Variants in NUP214 observed in about 807,000 individuals in gnomAD.
The protein encoded by NUP214 is nucleoporin 214.
NUP214 carries 79 observed loss-of-function variants against 196.2 expected under a neutral mutation model. The observed-to-expected ratio is 0.40, with a 90% CI of 0.34 to 0.49. NUP214 has a LOEUF of 0.49. Among genes scored for constraint, NUP214 ranks in the 20% least tolerant of loss-of-function variants. The pLI, the probability that NUP214 is intolerant of heterozygous loss-of-function variation, is 0.58. For synonymous variants in NUP214, 1,020 were observed against 990.5 expected (o/e 1.03, Z -0.56); for missense variants, 2,468 against 2,539.0 (o/e 0.97, Z 0.60).
intron 31 of NUP214, among the ~76,000 whole-genome samples, chr9:131,220,578 G>A (rs1317343934): frequency 6.6e-6 from 1 of 152,206 alleles, no homozygotes; most frequent in Non-Finnish European, 1.5e-5. Flanking sequence ...GGAAGAGGTT[G>A]AAGGAACAGA....
rs1834944164 is a variant in NUP214, at chr9:131,233,845, A to ATC, written c.*358_*359insTC. ...GAAGTCACCAGCGTCGGGTGTTGAT[A>ATC]AACAGCATCGAATGTGCCGTGGTCT... On this transcript the variant is annotated 3_prime_UTR_variant, in exon 36 of 36. Transcript: ENST00000359428. 1 of 404,984 alleles carries ATC rather than the reference A, an allele frequency of 2.5e-6. No individual in the cohort carries two copies. Among genetic ancestry groups the ATC allele is most frequent in the African/African-American group, 2.0e-5 (1 of 49,742 alleles). 25.1% of individuals were successfully genotyped at this position (404,984 alleles called of 1,614,324 possible).
At chr9:131,170,425 G>A (rs548428578) in intron 21 of NUP214, among the ~76,000 whole-genome samples, 1 of 152,338 alleles carries the variant, frequency 6.6e-6, no homozygotes, top group Non-Finnish European at 1.5e-5. Flanking sequence ...TGACATTTGT[G>A]CAGTAGTGAA....
At position 131,204,345 on chromosome 9, in the gene NUP214, G is replaced by A. The variant is rs902879975; in HGVS notation, c.5592+2628G>A. Among the ~76,000 whole-genome samples the A allele has an allele frequency of 3.3e-5, 5 of 152,206 alleles. No individual in the cohort carries two copies. The South Asian group carries it at 8.3e-4, about 25-fold the overall frequency. ...GAAAATGTAATGATTAAACTCAGGT[G>A]TAAACTCAGTGGCTGTATTTGGAGC... On this transcript the variant is annotated intron_variant, in intron 30 of 35. Transcript: ENST00000359428.
At chr9:131,177,156 AAG>A (rs1444460020) in intron 23 of NUP214, among the ~76,000 whole-genome samples, 2 of 152,226 alleles carry the variant, frequency 1.3e-5, no homozygotes, top group African/African-American at 4.8e-5. Flanking sequence ...TTTAGGAAAA[AAG>A]AACTAACATT....
At chr9:131,190,525 C>A in intron 26 of NUP214, 1 of 673,822 alleles carries the variant, frequency 1.5e-6, no homozygotes, top group Non-Finnish European at 2.7e-6. Context: ...GGTAGGAAAA[C>A]TTCCCTGAAA....
At chr9:131,203,379 C>T (rs978669033) in intron 30 of NUP214, among the ~76,000 whole-genome samples, 4 of 152,144 alleles carry the variant, frequency 2.6e-5, no homozygotes, top group Non-Finnish European at 5.9e-5. Context: ...TTACATCAGA[C>T]ACCGGCTGCA....
intron 7 of NUP214, 32 bp from the exon 8 acceptor site, chr9:131,134,866 G>A: frequency 6.8e-7 from 1 of 1,464,882 alleles, no homozygotes; most frequent in Non-Finnish European, 9.5e-7. Flanking sequence ...AATTGCACAT[G>A]AGAATTTTTT....
rs548897699 is a variant in NUP214, at chr9:131,193,559, C to T, written c.3659+1267C>T. ...CAAATTTTAAAGAGTAGGTCAATGC[C>T]AAGAATTATTGCATCCTTTACAGAT... On this transcript the variant is annotated intron_variant, in intron 27 of 35. Coordinates refer to ENST00000359428, the MANE Select transcript of NUP214 (RefSeq NM_005085.4). 3.5e-5 allele frequency among the ~76,000 whole-genome samples: 5 copies of T among 141,410 alleles called. No individual in the cohort carries two copies. The South Asian group carries it at 1.1e-3, about 32-fold the overall frequency. The allele number at this position is 141,410 out of a possible 152,430, so 92.8% of individuals were successfully genotyped here.
At position 131,132,533 on chromosome 9, in the gene NUP214, AGTTT is replaced by A. The variant is rs1483830134; in HGVS notation, c.664-61_664-58del. 7.2e-6 allele frequency: 10 copies of A among 1,385,672 alleles called. No homozygotes were observed. In the African/African-American group the frequency reaches 1.3e-4, roughly 18 times the overall value. The allele number at this position is 1,385,672 out of a possible 1,614,324, so 85.8% of individuals were successfully genotyped here. ...ATCTAAGGAATAGATTAGATTTGAC[AGTTT>A]GATTGGTTTAGGATTTGTTTCATTT... On this transcript the variant is annotated intron_variant, in intron 5 of 35. Transcript: ENST00000359428.
chr9:131,175,377 G>C (rs989501660), intron 22 of NUP214, 83 bp from the exon 23 acceptor site: 3 of 1,488,412 alleles, frequency 2.0e-6, no homozygotes, highest in African/African-American at 1.4e-5. Flanking sequence ...CCCTGCAGTC[G>C]AACATAAAGA....
rs1254553345 is a variant in NUP214, at chr9:131,146,456, A to C, written c.1945+152A>C. The C allele has an allele frequency of 7.7e-6, 6 of 778,932 alleles. No individual in the cohort carries two copies. The highest frequency in any genetic ancestry group is 2.6e-5 in the Admixed American group (1 of 38,266). 48.3% of individuals were successfully genotyped at this position (778,932 alleles called of 1,614,324 possible). Reference sequence around the variant, plus strand: ...TAATGATTAATGTGCTGTGATTTTCATACTCTGAATTGGGAGATTTGCTCT... The same window carrying C: ...TAATGATTAATGTGCTGTGATTTTCCTACTCTGAATTGGGAGATTTGCTCT... On this transcript the variant is annotated intron_variant, in intron 13 of 35. Transcript: ENST00000359428. The surrounding 1 kb of genome is among the most constrained non-coding windows in gnomAD (Gnocchi z 4.6).
chr9:131,125,594 CTG>C lies in NUP214; in HGVS notation c.-110_-109del, dbSNP rs1564174158. 2 of 1,548,192 alleles carry C rather than the reference CTG, an allele frequency of 1.3e-6. No individual in the cohort carries two copies. The highest frequency in any genetic ancestry group is 2.0e-5 in the Admixed American group (1 of 50,652). On this transcript the variant is annotated 5_prime_UTR_variant, in exon 1 of 36. Transcript: ENST00000359428. The surrounding 1 kb of genome is among the most constrained non-coding windows in gnomAD (Gnocchi z 4.1). ...AAGCGCGCCGGAAATGCGAGGTCAA[CTG>C]CGCGCCGCTGGCGCTGAGGGGAGGA...
At chr9:131,163,697 A>G (rs1364505096) in intron 19 of NUP214, among the ~76,000 whole-genome samples, 173 bp from the exon 20 acceptor site, 1 of 152,178 alleles carries the variant, frequency 6.6e-6, no homozygotes, top group East Asian at 1.9e-4. Context: ...GGTATATAAT[A>G]TGATTGTGAT....
intron 24 of NUP214, among the ~76,000 whole-genome samples, chr9:131,186,630 T>C (rs976560231): frequency 2.6e-5 from 4 of 152,246 alleles, no homozygotes; most frequent in Non-Finnish European, 5.9e-5. Flanking sequence ...CAGGTAGTTT[T>C]CCCATATGTG....
Position 131,140,717 on chromosome 9 carries a change from G to A in NUP214, c.1294+7G>A. The A allele has an allele frequency of 6.2e-7, 1 of 1,609,012 alleles. No homozygotes were observed. The highest frequency in any genetic ancestry group is 8.5e-7 in the Non-Finnish European group (1 of 1,178,336). On this transcript the variant is annotated splice_region_variant and intron_variant, in intron 11 of 35. Coordinates refer to ENST00000359428, the MANE Select transcript of NUP214 (RefSeq NM_005085.4). ...CGACAGCCCAAGTCACCAGGTATGT[G>A]CCTCTGCCTGCTTTATCAGTAAGGG...
At chr9:131,132,517 A>C in intron 5 of NUP214, 79 bp from the exon 6 acceptor site, 12 of 1,214,494 alleles carry the variant, frequency 9.9e-6, no homozygotes, top group East Asian at 2.3e-5. Context: ...CATCTAAGGA[A>C]TAGATTAGAT....
rs548441128 is a variant in NUP214 at position 131,215,386 on chromosome 9, T to C, written c.5749+18T>C. 453 of 1,560,828 alleles carry C rather than the reference T, an allele frequency of 2.9e-4. 5 individuals carry two copies. In the South Asian group the frequency reaches 4.9e-3, roughly 17 times the overall value. On this transcript the variant is annotated intron_variant, in intron 31 of 35. Coordinates refer to ENST00000359428, the MANE Select transcript of NUP214 (RefSeq NM_005085.4). ...TACCTCAAGTAAGTTGAGAAGACTT[T>C]TCCCAGTCCCTTGGTCCCCTAATGC...
At chr9:131,209,876 T>G (rs1834189735) in intron 30 of NUP214, among the ~76,000 whole-genome samples, 1 of 152,144 alleles carries the variant, frequency 6.6e-6, no homozygotes, top group South Asian at 2.1e-4. Flanking sequence ...TACATTCTCC[T>G]GTTTTCTGGA....
chr9:131,200,307 G>C (rs1446710759), intron 29 of NUP214, among the ~76,000 whole-genome samples: 4 of 152,238 alleles, frequency 2.6e-5, no homozygotes, highest in Non-Finnish European at 4.4e-5. Context: ...TGGGCATGGC[G>C]ACTGACGCCT....
Sources: gnomAD v4.1 joint callset for allele counts (sites outside exome capture counted in the v4.1 genomes callset) on GRCh38, gnomAD v4.1.1 for gene constraint, Gnocchi (gnomAD v3.1) non-coding constraint, MANE v1.5 for transcripts, NCBI Gene and HGNC (gene_info 2026-07-23, HGNC 2026-07-21) for gene names.